The following TTBK2 variants were observed in gnomAD, a reference collection of about 807,000 sequenced individuals.
TTBK2 encodes tau tubulin kinase 2.
Under a neutral mutation model 110.8 loss-of-function variants are expected in TTBK2, and 28 were observed. That is an observed-to-expected ratio of 0.25 (90% CI 0.19 to 0.35). TTBK2 has a LOEUF of 0.35. TTBK2 is among the 10% of genes least tolerant of loss of function. The pLI, the probability that TTBK2 is intolerant of heterozygous loss-of-function variation, is 1.00. For synonymous variants in TTBK2, 532 were observed against 527.3 expected (o/e 1.01, Z -0.12); for missense variants, 1,369 against 1,500.3 (o/e 0.91, Z 1.45).
chr15:42,830,450 A>G (rs376491339), intron 4 of TTBK2, among the ~76,000 whole-genome samples: 4 of 152,052 alleles, frequency 2.6e-5, no homozygotes, highest in South Asian at 4.1e-4. Context: ...AGCCTCCCAA[A>G]GTGCTGGGAT....
At position 42,899,117 on chromosome 15, in the gene TTBK2, T is replaced by A. The variant is rs115223910; in HGVS notation, c.-67-20433A>T. On this transcript the variant is annotated intron_variant, in intron 1 of 14. Coordinates refer to ENST00000267890, the MANE Select transcript of TTBK2 (RefSeq NM_173500.4). ...AAGCATTCCTCCTACCTCAGCCTCC[T>A]GAGAAGCTGCAACCACAGGCACATG... Among the ~76,000 whole-genome samples the A allele has an allele frequency of 5.1e-3, 773 of 152,174 alleles. 9 individuals are homozygous for A. The highest frequency in any genetic ancestry group is 0.018 in the African/African-American group (744 of 41,542).
chr15:42,869,007 T>C (rs752241493), intron 3 of TTBK2, among the ~76,000 whole-genome samples: 11 of 152,130 alleles, frequency 7.2e-5, no homozygotes, highest in Non-Finnish European at 4.4e-5. Context: ...TGAGGAACCA[T>C]CATTTTACTG....
At chr15:42,882,597 C>T (rs1425603592) in intron 1 of TTBK2, among the ~76,000 whole-genome samples, 1 of 151,770 alleles carries the variant, frequency 6.6e-6, no homozygotes, top group Non-Finnish European at 1.5e-5. Context: ...CTGGACAACA[C>T]AGTGAGACTT....
rs562936063 is a variant in TTBK2, at chr15:42,886,331, T to A, written c.-67-7647A>T. Among the ~76,000 whole-genome samples, 12 of 152,298 alleles carry A rather than the reference T, an allele frequency of 7.9e-5. 1 individual carries two copies. The highest frequency in any genetic ancestry group is 2.9e-4 in the African/African-American group (12 of 41,572). On this transcript the variant is annotated intron_variant, in intron 1 of 14. Coordinates refer to ENST00000267890, the MANE Select transcript of TTBK2 (RefSeq NM_173500.4). ...GTTCTGCGACTAGCCCTCTCCCACC[T>A]GCCCAACAATTTCCTCTTAAAGAGG...
chr15:42,779,914 G>A (rs1369886477), intron 11 of TTBK2, among the ~76,000 whole-genome samples: 2 of 152,084 alleles, frequency 1.3e-5, no homozygotes, highest in Non-Finnish European at 2.9e-5. Flanking sequence ...AGGAGGCGGA[G>A]GTTGTAGTGA....
intron 1 of TTBK2, among the ~76,000 whole-genome samples, chr15:42,919,428 C>T (rs565185555): frequency 6.6e-6 from 1 of 152,302 alleles, no homozygotes; most frequent in African/African-American, 2.4e-5. Context: ...TTGTGTTATA[C>T]TGTGGCAAAT....
chr15:42,772,790 T>C (rs550892426), intron 13 of TTBK2, among the ~76,000 whole-genome samples: 163 of 152,068 alleles, frequency 1.1e-3, no homozygotes, highest in Non-Finnish European at 1.5e-3. Context: ...TGCAAAAGAT[T>C]GAAAAATTAG....
At position 42,810,603 on chromosome 15, in the gene TTBK2, A is replaced by G. The variant is rs1483621962; in HGVS notation, c.822+11T>C. 5 of 1,613,466 alleles carry G rather than the reference A, an allele frequency of 3.1e-6. No individual in the cohort carries two copies. The highest frequency in any genetic ancestry group is 2.2e-5 in the South Asian group (2 of 91,058). On this transcript the variant is annotated intron_variant, in intron 9 of 14. Coordinates refer to ENST00000267890, the MANE Select transcript of TTBK2 (RefSeq NM_173500.4). ...AAATAACTAACCCACAGAACTCACA[A>G]AGATGGTTACCTGGTAGTCTGGTTT...
At chr15:42,854,862 A>G (rs1479594179) in intron 3 of TTBK2, among the ~76,000 whole-genome samples, 1 of 152,196 alleles carries the variant, frequency 6.6e-6, no homozygotes, top group Non-Finnish European at 1.5e-5. Flanking sequence ...TACTCAGAAA[A>G]AAAATCAACA....
chr15:42,771,790 T>C (rs1889689782), intron 13 of TTBK2, among the ~76,000 whole-genome samples: 2 of 152,196 alleles, frequency 1.3e-5, no homozygotes, highest in Non-Finnish European at 2.9e-5. Context: ...TCTTTCAGTA[T>C]GCTGGCAATG....
intron 3 of TTBK2, among the ~76,000 whole-genome samples, chr15:42,865,626 C>T (rs1403740234): frequency 2.0e-5 from 3 of 151,396 alleles, no homozygotes; most frequent in East Asian, 2.0e-4. Flanking sequence ...AGTTGGGGGC[C>T]GGTCTGGGCA....
chr15:42,887,627 C>A (rs1895296035), intron 1 of TTBK2, among the ~76,000 whole-genome samples: 1 of 152,184 alleles, frequency 6.6e-6, no homozygotes, highest in African/African-American at 2.4e-5. Flanking sequence ...CCTTATCAAC[C>A]AAATTGTTTT....
At chr15:42,834,391 A>G (rs902710312) in intron 4 of TTBK2, among the ~76,000 whole-genome samples, 56 of 152,340 alleles carry the variant, frequency 3.7e-4, no homozygotes, top group African/African-American at 1.3e-3. Context: ...AGACACCCAC[A>G]TCATCTAGAA....
At chr15:42,862,875 C>A (rs1567065703) in intron 3 of TTBK2, among the ~76,000 whole-genome samples, 1 of 151,936 alleles carries the variant, frequency 6.6e-6, no homozygotes, top group Non-Finnish European at 1.5e-5. Context: ...GCAACAGGAG[C>A]AAAACTCTGT....
intron 10 of TTBK2, among the ~76,000 whole-genome samples, chr15:42,787,107 G>T (rs779617221): frequency 3.3e-5 from 5 of 152,136 alleles, no homozygotes; most frequent in Admixed American, 6.6e-5. Flanking sequence ...GTGCTTGTGG[G>T]CCAAATCTGG....
intron 14 of TTBK2, among the ~76,000 whole-genome samples, chr15:42,750,514 G>A (rs1181942926): frequency 6.6e-6 from 1 of 151,496 alleles, no homozygotes; most frequent in Admixed American, 6.6e-5. Flanking sequence ...GCAGGCAGAA[G>A]AAAAAATCAG....
intron 7 of TTBK2, among the ~76,000 whole-genome samples, chr15:42,816,069 TAA>T (rs1233455781): frequency 1.1e-5 from 1 of 89,972 alleles, no homozygotes; most frequent in Non-Finnish European, 1.9e-5. Context: ...TATATATATA[TAA>T]AAATAAATAA....
At chr15:42,758,354 T>C (rs1026969181) in intron 13 of TTBK2, among the ~76,000 whole-genome samples, 2 of 152,166 alleles carry the variant, frequency 1.3e-5, no homozygotes, top group African/African-American at 4.8e-5. Context: ...TAATACTTTA[T>C]AGAAATGTTG....
intron 3 of TTBK2, among the ~76,000 whole-genome samples, chr15:42,850,301 G>C (rs895787190): frequency 6.6e-6 from 1 of 152,128 alleles, no homozygotes; most frequent in Non-Finnish European, 1.5e-5. Flanking sequence ...TTCTCTCGAC[G>C]CATTTTCTGT....
Sources: allele counts gnomAD v4.1 joint callset (sites outside exome capture counted in the v4.1 genomes callset), GRCh38; gene constraint gnomAD v4.1.1; transcripts MANE v1.5; gene names NCBI Gene and HGNC (gene_info 2026-07-23, HGNC 2026-07-21).